Variants in MKRN2 observed in about 807,000 individuals in gnomAD.
MKRN2 encodes the protein E3 ubiquitin-protein ligase makorin-2.
In MKRN2, 32 loss-of-function variants were observed where a neutral mutation model predicts 45.4. The observed-to-expected ratio is 0.70, with a 90% confidence interval of 0.53 to 0.95. MKRN2 has a LOEUF of 0.95. Among genes scored for constraint, MKRN2 ranks in the 40% least tolerant of loss-of-function variants. MKRN2 has a pLI of 0.00. For synonymous variants in MKRN2, 206 were observed against 192.4 expected (o/e 1.07, Z -0.59); for missense variants, 526 against 536.7 (o/e 0.98, Z 0.20).
intron 2 of MKRN2, among the ~76,000 whole-genome samples, chr3:12,569,546 A>C (rs2058086977): frequency 6.6e-6 from 1 of 152,166 alleles, no homozygotes; most frequent in East Asian, 1.9e-4. Flanking sequence ...AAACTTGTTC[A>C]TGCTTTTGTA....
chr3:12,578,312 C>CTTTTTTTTTTTTTTTTTTT, intron 6 of MKRN2, among the ~76,000 whole-genome samples: 1 of 71,716 alleles, frequency 1.4e-5, no homozygotes, highest in Non-Finnish European at 2.5e-5. Flanking sequence ...AGAGCTACTT[C>CTTTTTTTTTTTTTTTTTTT]TTTTTTTTTT....
chr3:12,557,705 C>T (rs1204289431), intron 1 of MKRN2, among the ~76,000 whole-genome samples: 1 of 152,230 alleles, frequency 6.6e-6, no homozygotes, highest in Non-Finnish European at 1.5e-5. Context: ...TTGTGAATAT[C>T]GGCGAAGCGC....
chr3:12,576,665 G>A lies in MKRN2; in HGVS notation c.892G>A (p.Val298Ile), dbSNP rs2058139053. Residue 298 changes from valine (V) to isoleucine (I), a missense_variant, in exon 6 of 8, where the codon GTA becomes ATA. Val to Ile is a conservative substitution (Grantham distance 29). Coordinates refer to ENST00000170447, the MANE Select transcript of MKRN2 (RefSeq NM_014160.5). ...CPECRVISEFVIPSVYWVEDQ... is the reference protein window; with the variant it reads ...CPECRVISEFIIPSVYWVEDQ... ...AGAATGCCGTGTGATATCAGAGTTT[G>A]TAATTCCAAGTGTGTATTGGGTGGA... 1 of 1,608,744 alleles carries A rather than the reference G, an allele frequency of 6.2e-7. No individual in the cohort carries two copies. The highest frequency in any genetic ancestry group is 8.5e-7 in the Non-Finnish European group (1 of 1,175,488).
Position 12,581,870 on chromosome 3 carries a change from T to C in MKRN2, c.1031T>C (p.Leu344Pro). The C allele has an allele frequency of 1.9e-6, 3 of 1,614,148 alleles. No individual in the cohort carries two copies. Among genetic ancestry groups the C allele is most frequent in the Non-Finnish European group, 2.5e-6 (3 of 1,180,022 alleles). The change falls in exon 7 of 8, where the codon CTT (leucine) becomes CCT (proline). Residue 344 changes from leucine to proline, a missense_variant. Physicochemically the swap from Leu to Pro is moderately conservative, Grantham distance 98. Transcript: ENST00000170447. ...ACCTGCCCATTTGGAAGCAAATGTC[T>C]TTATCGCCATGCTTACCCCGATGGG... ...KGTCPFGSKC[L>P]YRHAYPDGRL...
chr3:12,573,408 C>T lies in MKRN2; in HGVS notation c.642+1035C>T, dbSNP rs187832130. 1.1e-3 allele frequency among the ~76,000 whole-genome samples: 172 copies of T among 150,054 alleles called. 1 individual carries two copies. The highest frequency in any genetic ancestry group is 4.1e-3 in the African/African-American group (166 of 40,952). ...ATTAGCCAGGTGTGGTGGTGCACAC[C>T]TGTAGTCCCAGCTACTCGGCAGGAC... On this transcript the variant is annotated intron_variant, in intron 4 of 7. Transcript: ENST00000170447.
At chr3:12,575,807 G>A (rs2125306347) in intron 5 of MKRN2, among the ~76,000 whole-genome samples, 1 of 152,308 alleles carries the variant, frequency 6.6e-6, no homozygotes, top group Non-Finnish European at 1.5e-5. Flanking sequence ...CCCTTTCACT[G>A]AGCATAGTGT....
chr3:12,580,809 A>AC (rs1323056416), intron 6 of MKRN2, among the ~76,000 whole-genome samples: 1 of 152,124 alleles, frequency 6.6e-6, no homozygotes, highest in Non-Finnish European at 1.5e-5. Flanking sequence ...GAACTTCACC[A>AC]CCGGCCTGCG....
intron 6 of MKRN2, among the ~76,000 whole-genome samples, chr3:12,579,349 T>G (rs1325066039): frequency 2.0e-5 from 3 of 152,112 alleles, no homozygotes; most frequent in African/African-American, 7.2e-5. Flanking sequence ...ATTTTTTTAG[T>G]AGGGATGGGG....
In MKRN2 at chr3:12,581,960, C is replaced by G. The variant is rs747007984; in HGVS notation, c.1113+8C>G. 6.2e-7 allele frequency: 1 copy of G among 1,613,248 alleles called. No homozygotes were observed. The highest frequency in any genetic ancestry group is 2.2e-5 in the East Asian group (1 of 44,870). Reference sequence around the variant, plus strand: ...TCTCAAGGCACTGTGAGGGTAAGGACTTTAGCCATCTCTAGTTGGGGACAC... The same window carrying G: ...TCTCAAGGCACTGTGAGGGTAAGGAGTTTAGCCATCTCTAGTTGGGGACAC... On this transcript the variant is annotated splice_region_variant and intron_variant, in intron 7 of 7. Transcript: ENST00000170447.
chr3:12,560,764 G>A (rs1397420708), intron 1 of MKRN2: 1 of 152,310 alleles, frequency 6.6e-6, no homozygotes, highest in Non-Finnish European at 1.5e-5. Flanking sequence ...TACCTGCTCT[G>A]AGTCTCCAGC....
chr3:12,577,348 A>G (rs1559391798), intron 6 of MKRN2: 1 of 151,758 alleles, frequency 6.6e-6, no homozygotes, highest in Non-Finnish European at 1.5e-5. Context: ...AATTTTAGCT[A>G]TTGTTTCATT....
intron 1 of MKRN2, among the ~76,000 whole-genome samples, chr3:12,560,478 T>TAAAAA (rs10651248): frequency 3.2e-5 from 4 of 124,964 alleles, no homozygotes; most frequent in Non-Finnish European, 5.1e-5. Flanking sequence ...TAGGAAAATG[T>TAAAAA]AAAAAAAAAA....
chr3:12,573,543 T>A lies in MKRN2; in HGVS notation c.642+1170T>A, dbSNP rs376503095. The stretch of plus-strand genomic sequence containing the variant: ...GAGTGAGACCCTGTCTCAAGAAAAA[T>A]AATAATAAAAAAATTTAAAAATGCC... On this transcript the variant is annotated intron_variant, in intron 4 of 7. Coordinates refer to ENST00000170447, the MANE Select transcript of MKRN2 (RefSeq NM_014160.5). Among the ~76,000 whole-genome samples, 8 of 151,184 alleles carry A rather than the reference T, an allele frequency of 5.3e-5. No homozygotes were observed. The South Asian group carries it at 1.7e-3, about 32-fold the overall frequency.
chr3:12,571,409 A>G (rs1182168112), intron 3 of MKRN2, among the ~76,000 whole-genome samples: 1 of 152,214 alleles, frequency 6.6e-6, no homozygotes, highest in Non-Finnish European at 1.5e-5. Flanking sequence ...GCACCTGGCC[A>G]TAAAAGTTGT....
chr3:12,579,129 G>T (rs1169603103), intron 6 of MKRN2, among the ~76,000 whole-genome samples: 1 of 152,048 alleles, frequency 6.6e-6, no homozygotes, highest in Non-Finnish European at 1.5e-5. Flanking sequence ...TATGGGTCAG[G>T]TACCTTCTAG....
intron 4 of MKRN2, among the ~76,000 whole-genome samples, chr3:12,573,869 G>C (rs138059081): frequency 0.031 from 4,658 of 151,550 alleles, 239 homozygotes; most frequent in African/African-American, 0.11. Context: ...CTCCAGCCTG[G>C]ACGACAGAGA....
intron 6 of MKRN2, 63 bp downstream of exon 6, chr3:12,576,804 C>T (rs1052881561): frequency 5.1e-6 from 6 of 1,181,112 alleles, no homozygotes; most frequent in African/African-American, 1.5e-5. Flanking sequence ...CAGCCCGTGT[C>T]CTCGTTCTCC....
At chr3:12,573,684 G>A (rs574056612) in intron 4 of MKRN2, among the ~76,000 whole-genome samples, 1 of 152,070 alleles carries the variant, frequency 6.6e-6, no homozygotes, top group Non-Finnish European at 1.5e-5. Context: ...ACAAGGTCAG[G>A]AGATTGAGAC....
In MKRN2 at chr3:12,583,685, C is replaced by A. The variant is rs2058213465; in HGVS notation, c.*1432C>A. 8.6e-6 allele frequency: 2 copies of A among 233,236 alleles called. No individual in the cohort carries two copies. The highest frequency in any genetic ancestry group is 1.7e-5 in the Non-Finnish European group (2 of 118,002). 14.4% of individuals were successfully genotyped at this position (233,236 alleles called of 1,614,324 possible). A position where few individuals can be genotyped will look rare whatever the true frequency, so the allele number is the denominator to read the frequency against. ...TGTATTTTGTCAGGTGCAATAAAAA[C>A]AAAATTAAAACCCAAATCATCAAGA... On this transcript the variant is annotated 3_prime_UTR_variant, in exon 8 of 8. Transcript: ENST00000170447.
Sources: gnomAD v4.1 joint callset for allele counts (sites outside exome capture counted in the v4.1 genomes callset) on GRCh38, gnomAD v4.1.1 for gene constraint, MANE v1.5 for transcripts, NCBI Gene and HGNC (gene_info 2026-07-23, HGNC 2026-07-21) for gene names.